TMEM132E: variants seen among roughly 807,000 people sequenced by gnomAD.
TMEM132E encodes transmembrane protein 132E.
TMEM132E carries 49 observed loss-of-function variants against 78.5 expected under a neutral mutation model. That is an observed-to-expected ratio of 0.62 (90% confidence interval 0.50 to 0.79). The LOEUF (loss-of-function observed/expected upper bound fraction) is 0.79. Among genes scored for constraint, TMEM132E ranks in the 30% least tolerant of loss-of-function variants. The pLI is 0.00. For missense variants in TMEM132E, 1,403 were observed against 1,470.9 expected, an observed-to-expected ratio of 0.95 and a Z score of 0.75; for synonymous variants, 715 against 670.6, an observed-to-expected ratio of 1.07 and a Z score of -1.02.
intron 1 of TMEM132E, among the ~76,000 whole-genome samples, chr17:34,609,883 C>A (rs1175776447): frequency 6.6e-6 from 1 of 152,198 alleles, no homozygotes; most frequent in East Asian, 1.9e-4. Flanking sequence ...CCTTTGTTCT[C>A]TTGGTGTTAA....
At chr17:34,634,566 G>C (rs1907451650) in intron 6 of TMEM132E, among the ~76,000 whole-genome samples, 1 of 152,244 alleles carries the variant, frequency 6.6e-6, no homozygotes, top group African/African-American at 2.4e-5. Context: ...CTTAAGCCAA[G>C]AAGAGGCAGA....
chr17:34,632,685 T>G lies in TMEM132E; in HGVS notation c.1483-19T>G, dbSNP rs1907387265. ...AGACCTGTAGGGAAGATGTGCCAAC[T>G]GTTCCTCCCTTCCCCCAGGTATCCA... On this transcript the variant is annotated intron_variant, in intron 5 of 8. Transcript: ENST00000631683. The G allele has an allele frequency of 6.2e-7, 1 of 1,613,890 alleles. No individual in the cohort carries two copies. The highest frequency in any genetic ancestry group is 1.1e-5 in the South Asian group (1 of 91,068).
chr17:34,604,589 C>T (rs1257471339), intron 1 of TMEM132E, among the ~76,000 whole-genome samples: 5 of 152,092 alleles, frequency 3.3e-5, no homozygotes, highest in Non-Finnish European at 7.3e-5. Context: ...CTGCCCCCTC[C>T]CCCAACTCAG....
In TMEM132E at chr17:34,635,008, G is replaced by A. The variant is rs200998663; in HGVS notation, c.1898G>A (p.Arg633Gln). Residue 633 changes from arginine to glutamine, a missense_variant, in exon 7 of 9, where the codon CGG becomes CAG. By Grantham distance (43) the Arg-to-Gln change is conservative (BLOSUM62 1). Around this residue, in one of 3 missense-constraint regions of TMEM132E, gnomAD observed 888 missense variants for 952.8 expected, o/e 0.93. Coordinates refer to ENST00000631683, the MANE Select transcript of TMEM132E (RefSeq NM_001304438.2). ...EVTDLVSDFM[R>Q]VGDPRVAHMV... ...ACCGACCTAGTCAGTGACTTCATGC[G>A]GGTGGGCGATCCCCGAGTGGCACAC... 30 of 1,614,066 alleles carry A rather than the reference G, an allele frequency of 1.9e-5. No individual in the cohort carries two copies. Among genetic ancestry groups the A allele is most frequent in the South Asian group, 1.2e-4 (11 of 91,072 alleles).
rs1567708470 is a variant in TMEM132E, at chr17:34,580,980, C to T, written c.-97C>T. ...GAGCTGCATCTGAGACAGCCGGGCG[C>T]CACGGCAGCCCTGAGTTGGATGTGA... On this transcript the variant is annotated 5_prime_UTR_variant, in exon 1 of 9. Transcript: ENST00000631683. The T allele has an allele frequency of 9.9e-7, 1 of 1,009,210 alleles. No homozygotes were observed. Among genetic ancestry groups the T allele is most frequent in the Non-Finnish European group, 1.4e-6 (1 of 717,416 alleles). 62.5% of individuals were successfully genotyped at this position (1,009,210 alleles called of 1,614,324 possible).
chr17:34,615,598 CTCAT>C (rs1906755502), intron 1 of TMEM132E, among the ~76,000 whole-genome samples: 2 of 151,574 alleles, frequency 1.3e-5, no homozygotes, highest in Admixed American at 1.3e-4. Context: ...CCTTCACTCA[CTCAT>C]TCACTCGACA....
intron 1 of TMEM132E, among the ~76,000 whole-genome samples, chr17:34,601,550 C>T (rs1906240939): frequency 6.6e-6 from 1 of 152,246 alleles, no homozygotes; most frequent in Non-Finnish European, 1.5e-5. Flanking sequence ...GGGAGACGAA[C>T]CTGATGGCCT....
chr17:34,628,795 C>T, intron 3 of TMEM132E, 86 bp downstream of exon 3: 1 of 1,458,114 alleles, frequency 6.9e-7, no homozygotes, highest in Non-Finnish European at 9.1e-7. Flanking sequence ...GGAGGCTAGG[C>T]TTGGGGAGGG....
At chr17:34,598,351 G>C (rs1240177056) in intron 1 of TMEM132E, among the ~76,000 whole-genome samples, 1 of 152,152 alleles carries the variant, frequency 6.6e-6, no homozygotes, top group Admixed American at 6.5e-5. Flanking sequence ...CACAGTGGGG[G>C]AGACAGTCCC....
intron 1 of TMEM132E, among the ~76,000 whole-genome samples, chr17:34,585,114 G>A (rs1905622696): frequency 6.6e-6 from 1 of 152,206 alleles, no homozygotes; most frequent in Non-Finnish European, 1.5e-5. Flanking sequence ...TCTTTCTTCT[G>A]GCCACATGCA....
chr17:34,632,614 C>A, intron 5 of TMEM132E, 90 bp from the exon 6 acceptor site: 1 of 1,412,500 alleles, frequency 7.1e-7, no homozygotes, highest in Non-Finnish European at 1.0e-6. Context: ...GACTTTCCCT[C>A]CAGCCCTGGT....
In TMEM132E at chr17:34,637,446, T is replaced by C. The variant is rs780597392; in HGVS notation, c.2439T>C (p.Phe813=). The change falls in exon 9 of 9, where the codon TTT becomes TTC. Residue 813 remains phenylalanine, a synonymous_variant. Transcript: ENST00000631683. ...ATTPVGLRVH[F]GRDEEDPTYD... ...CCCCTGTGGGCCTGCGGGTGCACTTTGGGAGGGACGAGGAGGACCCCACTT... is the reference window on the plus strand; with the variant it reads ...CCCCTGTGGGCCTGCGGGTGCACTTCGGGAGGGACGAGGAGGACCCCACTT... 13 of 1,613,124 alleles carry C rather than the reference T, an allele frequency of 8.1e-6. No individual in the cohort carries two copies. The Middle Eastern group carries it at 9.9e-4, about 123-fold the overall frequency.
intron 1 of TMEM132E, among the ~76,000 whole-genome samples, chr17:34,623,229 C>T (rs1907017491): frequency 6.6e-6 from 1 of 152,170 alleles, no homozygotes; most frequent in Admixed American, 6.5e-5. Flanking sequence ...TTCCTTCATG[C>T]CCCTCTGAGT....
intron 1 of TMEM132E, among the ~76,000 whole-genome samples, chr17:34,617,509 G>T (rs1354209346): frequency 6.6e-6 from 1 of 152,228 alleles, no homozygotes; most frequent in East Asian, 1.9e-4. Context: ...TTGAATGAAT[G>T]AATGAATGAA....
chr17:34,582,513 C>T (rs1905528637), intron 1 of TMEM132E, among the ~76,000 whole-genome samples: 1 of 47,306 alleles, frequency 2.1e-5, no homozygotes, highest in Admixed American at 1.9e-4. Flanking sequence ...GAGGTAACAC[C>T]AGGGGGGGTT....
chr17:34,624,414 C>T (rs1291062824), intron 1 of TMEM132E, among the ~76,000 whole-genome samples: 1 of 152,220 alleles, frequency 6.6e-6, no homozygotes, highest in African/African-American at 2.4e-5. Flanking sequence ...AGGTAACTAA[C>T]TCCCACACAG....
At chr17:34,593,915 G>A (rs1012090446) in intron 1 of TMEM132E, among the ~76,000 whole-genome samples, 5 of 152,296 alleles carry the variant, frequency 3.3e-5, no homozygotes, top group East Asian at 1.9e-4. Context: ...CTCCGGTCAC[G>A]CTGGCTTCTT....
At chr17:34,629,731 T>C (rs1208855378) in intron 4 of TMEM132E, among the ~76,000 whole-genome samples, 1 of 152,074 alleles carries the variant, frequency 6.6e-6, no homozygotes, top group African/African-American at 2.4e-5. Context: ...TGGAAGCTGT[T>C]TAAGAGGAGA....
chr17:34,636,159 C>T lies in TMEM132E; in HGVS notation c.2130C>T (p.Ala710=), dbSNP rs1907516224. The change falls in exon 8 of 9, where the codon GCC becomes GCT. Residue 710 remains alanine (A), a synonymous_variant. Transcript: ENST00000631683. ...PSPGSSHTIL[A]TTAAQQTLSF... Reference sequence around the variant, plus strand: ...CTGGGAGCAGCCACACCATCCTAGCCACCACAGCTGCCCAACAGACCTTGA... The same window carrying T: ...CTGGGAGCAGCCACACCATCCTAGCTACCACAGCTGCCCAACAGACCTTGA... The T allele has an allele frequency of 1.3e-6, 2 of 1,560,404 alleles. No individual in the cohort carries two copies. Among genetic ancestry groups the T allele is most frequent in the African/African-American group, 2.8e-5 (2 of 71,862 alleles).
Sources: gnomAD v4.1 joint callset for allele counts (sites outside exome capture counted in the v4.1 genomes callset) on GRCh38, gnomAD v4.1.1 for gene constraint, gnomAD v4.1.1 regional missense constraint, MANE v1.5 for transcripts, NCBI Gene and HGNC (gene_info 2026-07-23, HGNC 2026-07-21) for gene names.